IGSF10: variants seen among roughly 807,000 people sequenced by gnomAD.
The protein encoded by IGSF10 is immunoglobulin superfamily member 10.
A neutral mutation model predicts 128.2 loss-of-function variants in IGSF10; 126 were observed. The observed-to-expected ratio is 0.98, with a 90% confidence interval of 0.85 to 1.14. IGSF10 has a LOEUF of 1.14. Among genes scored for constraint, IGSF10 ranks in the 50% most tolerant of loss-of-function variants. The probability of loss-of-function intolerance (pLI) is 0.00; values close to 1 mark genes in which losing one functional copy is unlikely to be tolerated. For synonymous variants in IGSF10, 1,185 were observed against 1,146.2 expected (o/e 1.03, Z -0.68); for missense variants, 3,295 against 3,149.8 (o/e 1.05, Z -1.10).
At chr3:151,492,053 C>A in the IGSF10 span, among the ~76,000 whole-genome samples, 3 of 151,908 alleles carry the variant, frequency 2.0e-5, no homozygotes, top group African/African-American at 7.3e-5. Context: ...AGGAAACAAT[C>A]GACAAAATGA....
chr3:151,522,509 A>C, the IGSF10 span, among the ~76,000 whole-genome samples: 1 of 152,202 alleles, frequency 6.6e-6, no homozygotes, highest in African/African-American at 2.4e-5. Flanking sequence ...AGTAGGCTTC[A>C]TCCCTGGGAT....
the IGSF10 span, among the ~76,000 whole-genome samples, chr3:151,556,992 A>G: frequency 1.3e-5 from 2 of 152,154 alleles, no homozygotes; most frequent in African/African-American, 2.4e-5. Flanking sequence ...TATTTGTTCA[A>G]TGTATGAATG....
chr3:151,594,039 C>T, the IGSF10 span, among the ~76,000 whole-genome samples: 4 of 152,140 alleles, frequency 2.6e-5, no homozygotes, highest in East Asian at 7.7e-4. Context: ...CTTAAGCTGC[C>T]TCAGCTACAT....
chr3:151,617,569 CT>C, the IGSF10 span, among the ~76,000 whole-genome samples: 1 of 152,096 alleles, frequency 6.6e-6, no homozygotes, highest in East Asian at 1.9e-4. Context: ...TCACCCATAT[CT>C]GATGCAGATG....
At position 151,438,155 on chromosome 3, in the gene IGSF10, CTG is replaced by C. The variant is rs1560170910; in HGVS notation, c.6404_6405del (p.Thr2135SerfsTer12). Reference protein sequence around the residue: ...LGKDEMKVHLTVITAAPRIRQ... With the variant: ...LGKDEMKVHLXVITAAPRIRQ... ...CTTATCCGGGGAGCAGCTGTTATAA[CTG>C]TTAAGTGGACCTTCATTTCATCTTT... On this transcript the variant is annotated frameshift_variant, in exon 8 of 8. Transcript: ENST00000282466. LOFTEE classifies it low-confidence loss of function (END_TRUNC). 1.2e-6 allele frequency: 2 copies of C among 1,614,174 alleles called. No individual in the cohort carries two copies. The highest frequency in any genetic ancestry group is 4.5e-5 in the East Asian group (2 of 44,884).
chr3:151,531,844 T>A, the IGSF10 span, among the ~76,000 whole-genome samples: 1 of 151,914 alleles, frequency 6.6e-6, no homozygotes, highest in Non-Finnish European at 1.5e-5. Context: ...AGAGCAGAAC[T>A]GAAGGAGATA....
chr3:151,469,015 G>T, the IGSF10 span, among the ~76,000 whole-genome samples: 8 of 152,204 alleles, frequency 5.3e-5, no homozygotes, highest in Non-Finnish European at 1.0e-4. Context: ...GCATTAGTTT[G>T]CTGAGGATAA....
the IGSF10 span, among the ~76,000 whole-genome samples, chr3:151,516,159 C>T: frequency 6.6e-6 from 1 of 151,990 alleles, no homozygotes; most frequent in Non-Finnish European, 1.5e-5. Flanking sequence ...ACCTTGGGTT[C>T]ATAATCTCAC....
chr3:151,500,324 T>TGAGA, the IGSF10 span, among the ~76,000 whole-genome samples: 1 of 151,684 alleles, frequency 6.6e-6, no homozygotes, highest in African/African-American at 2.4e-5. Flanking sequence ...ATCTGATACA[T>TGAGA]GTTATTAATA....
At chr3:151,613,113 C>T in the IGSF10 span, among the ~76,000 whole-genome samples, 1 of 152,108 alleles carries the variant, frequency 6.6e-6, no homozygotes, top group Non-Finnish European at 1.5e-5. Context: ...GAATAAAATA[C>T]CTAAGAATCC....
the IGSF10 span, among the ~76,000 whole-genome samples, chr3:151,582,292 C>CG: frequency 0.3 from 11,671 of 39,196 alleles, 2,224 homozygotes; most frequent in Middle Eastern, 0.36. Context: ...TAAAAATATC[C>CG]GGGGGGGGGG....
the IGSF10 span, among the ~76,000 whole-genome samples, chr3:151,579,807 A>G: frequency 6.7e-6 from 1 of 149,710 alleles, no homozygotes; most frequent in Admixed American, 6.7e-5. Flanking sequence ...CAGAAGAATA[A>G]ATATTACGAA....
At chr3:151,492,784 T>C in the IGSF10 span, among the ~76,000 whole-genome samples, 1 of 152,138 alleles carries the variant, frequency 6.6e-6, no homozygotes, top group Non-Finnish European at 1.5e-5. Flanking sequence ...CAGCAATCTT[T>C]GTATATATAC....
chr3:151,514,783 C>G, the IGSF10 span, among the ~76,000 whole-genome samples: 1 of 152,058 alleles, frequency 6.6e-6, no homozygotes, highest in Non-Finnish European at 1.5e-5. Flanking sequence ...AAAAAACAAA[C>G]AACCCCATCA....
rs562792095 is a variant in IGSF10 at position 151,443,252 on chromosome 3, T to C, written c.5695A>G (p.Asn1899Asp). The C allele has an allele frequency of 5.9e-5, 95 of 1,611,612 alleles. No homozygotes were observed. In the South Asian group the frequency reaches 9.9e-4, roughly 17 times the overall value. The change falls in exon 7 of 8, where the codon AAT becomes GAT. Residue 1899 changes from asparagine (N) to aspartate (D), a missense_variant. Physicochemically the swap from Asn to Asp is conservative, Grantham distance 23. Coordinates refer to ENST00000282466, the MANE Select transcript of IGSF10 (RefSeq NM_178822.5). Reference sequence around the variant, plus strand: ...AGGTTTCTTATATACAAAGTCCCATTTGAAAATAAGAACAACTTGGAATTG... The same window carrying C: ...AGGTTTCTTATATACAAAGTCCCATCTGAAAATAAGAACAACTTGGAATTG... ...FTNSKLFLFS[N>D]GTLYIRNLAS... is the part of the protein sequence containing the mutation.
chr3:151,454,355 T>G (rs1431040736), intron 4 of IGSF10, among the ~76,000 whole-genome samples: 1 of 152,166 alleles, frequency 6.6e-6, no homozygotes, highest in African/African-American at 2.4e-5. Flanking sequence ...ATGAATGATA[T>G]TGTGGTTATT....
chr3:151,595,182 C>T, the IGSF10 span, among the ~76,000 whole-genome samples: 42 of 152,108 alleles, frequency 2.8e-4, no homozygotes, highest in African/African-American at 5.8e-4. Flanking sequence ...TAAATTAGTA[C>T]GGACATTATG....
chr3:151,609,633 T>A, the IGSF10 span, among the ~76,000 whole-genome samples: 1 of 152,102 alleles, frequency 6.6e-6, no homozygotes, highest in Non-Finnish European at 1.5e-5. Flanking sequence ...ATGTGGTACA[T>A]ATACACCATT....
chr3:151,516,383 G>T, the IGSF10 span, among the ~76,000 whole-genome samples: 1 of 151,970 alleles, frequency 6.6e-6, no homozygotes, highest in African/African-American at 2.4e-5. Context: ...ATGCCTCTAT[G>T]AACAATAGAG....
Sources: gnomAD v4.1 joint callset for allele counts (sites outside exome capture counted in the v4.1 genomes callset) on GRCh38, gnomAD v4.1.1 for gene constraint, MANE v1.5 for transcripts, NCBI Gene and HGNC (gene_info 2026-07-23, HGNC 2026-07-21) for gene names.